The following CNNM4 variants were observed in gnomAD, a reference collection of about 807,000 sequenced individuals.
CNNM4 encodes the protein metal transporter CNNM4.
In CNNM4, 32 loss-of-function variants were observed where a neutral mutation model predicts 53.7. The observed-to-expected ratio is 0.60, with a 90% CI of 0.45 to 0.80. CNNM4 has a LOEUF of 0.80. Ranked by LOEUF, CNNM4 falls within the 30% of genes least tolerant of loss-of-function variation. The pLI, the probability that CNNM4 is intolerant of heterozygous loss-of-function variation, is 0.00. For missense variants in CNNM4, 784 were observed against 1,022.0 expected (o/e 0.77, Z 3.17); for synonymous variants, 410 against 440.0 (o/e 0.93, Z 0.85).
At chr2:96,762,445 C>T in intron 1 of CNNM4, 44 bp downstream of exon 1, 1 of 1,547,312 alleles carries the variant, frequency 6.5e-7, no homozygotes, top group Non-Finnish European at 8.9e-7. Context: ...CCTCTTGACG[C>T]CTCTTTTCCC....
chr2:96,808,611 T>C lies in CNNM4; in HGVS notation c.1999T>C (p.Tyr667His). ...TPLSRSASLS[Y>H]PDRTDVSTAA... ...ACTCAGCCGCTCAGCCTCCCTCAGTTACCCAGACCGCACAGACGTCTCAAC... is the reference window on the plus strand; with the variant it reads ...ACTCAGCCGCTCAGCCTCCCTCAGTCACCCAGACCGCACAGACGTCTCAAC... The change falls in exon 6 of 7, where the codon TAC (tyrosine) becomes CAC (histidine). Residue 667 changes from tyrosine to histidine, a missense_variant. This residue lies in a region of CNNM4 where 307 missense variants were observed against 376.3 expected (regional missense o/e 0.82). Transcript: ENST00000377075. This position sits in a 1 kb window ranked among gnomAD's most constrained non-coding sequence, Gnocchi z 4.9. 1 of 1,614,056 alleles carries C rather than the reference T, an allele frequency of 6.2e-7. No homozygotes were observed. Among genetic ancestry groups the C allele is most frequent in the Non-Finnish European group, 8.5e-7 (1 of 1,179,998 alleles).
At chr2:96,762,482 T>C in intron 1 of CNNM4, 81 bp downstream of exon 1, 1 of 1,320,738 alleles carries the variant, frequency 7.6e-7, no homozygotes, top group Non-Finnish European at 1.1e-6. Context: ...CTGCTGGCTT[T>C]AGTGTTCTGT....
intron 1 of CNNM4, among the ~76,000 whole-genome samples, chr2:96,792,245 CAA>C (rs541024962): frequency 1.6e-4 from 8 of 51,270 alleles, no homozygotes; most frequent in Admixed American, 2.2e-4. Context: ...GACTCCAGCT[CAA>C]AAAAAAAAAA....
chr2:96,763,434 G>T (rs1574048481), intron 1 of CNNM4, among the ~76,000 whole-genome samples: 1 of 152,188 alleles, frequency 6.6e-6, no homozygotes, highest in East Asian at 1.9e-4. Context: ...AAGTGAGGAG[G>T]CAGAAAGGGA....
At chr2:96,809,281 C>T (rs1488981694) in intron 6 of CNNM4, 39 bp from the exon 7 acceptor site, 2 of 1,612,422 alleles carry the variant, frequency 1.2e-6, no homozygotes, top group Non-Finnish European at 1.7e-6. Context: ...GTCTGCCTCC[C>T]AGCCCCTCCC....
Position 96,761,360 on chromosome 2 carries a change from G to C in CNNM4, c.361G>C (p.Val121Leu). Residue 121 changes from valine (V) to leucine (L), a missense_variant, in exon 1 of 7, where the codon GTC becomes CTC. Physicochemically the swap from Val to Leu is conservative, Grantham distance 32. Around this residue, in one of 3 missense-constraint regions of CNNM4, gnomAD observed 473 missense variants for 624.6 expected, o/e 0.76. Coordinates refer to ENST00000377075, the MANE Select transcript of CNNM4 (RefSeq NM_020184.4). This position sits in a 1 kb window ranked among gnomAD's most constrained non-coding sequence, Gnocchi z 6.0. ...CAAGGACCTGGTCGTCCAGCAGCTG[G>C]TCAACGTGAGCCGCGGGAACACGTC... ...LTKDLVVQQL[V>L]NVSRGNTSGV... 5 of 1,614,070 alleles carry C rather than the reference G, an allele frequency of 3.1e-6. No homozygotes were observed. The highest frequency in any genetic ancestry group is 4.2e-6 in the Non-Finnish European group (5 of 1,180,030).
Position 96,797,715 on chromosome 2 carries a change from G to A in CNNM4, c.1681+68G>A, listed in dbSNP as rs1680739059. On this transcript the variant is annotated intron_variant, in intron 3 of 6. Coordinates refer to ENST00000377075, the MANE Select transcript of CNNM4 (RefSeq NM_020184.4). The surrounding 1 kb of genome is among the most constrained non-coding windows in gnomAD (Gnocchi z 6.0). ...ACGGGGGAGAAGTCCTGGGTTTCCGGCTGCTTTCCCCCCATAGGACGAGGG... is the reference window on the plus strand; with the variant it reads ...ACGGGGGAGAAGTCCTGGGTTTCCGACTGCTTTCCCCCCATAGGACGAGGG... 3.8e-6 allele frequency: 6 copies of A among 1,597,478 alleles called. No homozygotes were observed. In the Middle Eastern group the frequency reaches 5.0e-4, roughly 133 times the overall value.
intron 1 of CNNM4, among the ~76,000 whole-genome samples, chr2:96,792,503 A>T (rs1309908700): frequency 1.3e-5 from 2 of 151,790 alleles, no homozygotes; most frequent in African/African-American, 4.8e-5. Context: ...ATGTAGAGGC[A>T]CAAAGAAAGA....
chr2:96,761,032 C>A lies in CNNM4; in HGVS notation c.33C>A (p.Val11=), dbSNP rs2078755191. MAPVGGGGRP[V]GGPARGRLLL... ...CGGTGGGCGGGGGCGGGCGCCCGGT[C>A]GGCGGACCGGCCCGCGGGCGCCTCC... The change falls in exon 1 of 7, where the codon GTC becomes GTA. Residue 11 remains valine, a synonymous_variant. Coordinates refer to ENST00000377075, the MANE Select transcript of CNNM4 (RefSeq NM_020184.4). This position sits in a 1 kb window ranked among gnomAD's most constrained non-coding sequence, Gnocchi z 6.0. The A allele has an allele frequency of 1.6e-6, 2 of 1,213,754 alleles. No homozygotes were observed. The highest frequency in any genetic ancestry group is 4.1e-5 in the South Asian group (1 of 24,174). The allele number at this position is 1,213,754 out of a possible 1,614,324, so 75.2% of individuals were successfully genotyped here.
intron 1 of CNNM4, 120 bp downstream of exon 1, chr2:96,762,521 C>A: frequency 1.0e-6 from 1 of 971,124 alleles, no homozygotes; most frequent in Non-Finnish European, 1.6e-6. Context: ...CTTTGCCTAT[C>A]GCTTCCTATG....
At chr2:96,787,740 G>T (rs951673318) in intron 1 of CNNM4, among the ~76,000 whole-genome samples, 1 of 152,030 alleles carries the variant, frequency 6.6e-6, no homozygotes, top group Admixed American at 6.6e-5. Flanking sequence ...ATGCCCTATA[G>T]TCCCAGCTAC....
rs762779411 is a variant in CNNM4, at chr2:96,809,277, C to T, written c.2131-43C>T. 5 of 1,611,584 alleles carry T rather than the reference C, an allele frequency of 3.1e-6. No homozygotes were observed. The African/African-American group carries it at 6.7e-5, about 22-fold the overall frequency. ...CTCCAGGCCTGGTGATAGGGTCTGC[C>T]TCCCAGCCCCTCCCTCCATGAACTC... On this transcript the variant is annotated intron_variant, in intron 6 of 6. Transcript: ENST00000377075.
intron 1 of CNNM4, among the ~76,000 whole-genome samples, chr2:96,795,341 T>G (rs2079093382): frequency 6.6e-6 from 1 of 152,232 alleles, no homozygotes; most frequent in South Asian, 2.1e-4. Flanking sequence ...TTGGCTCATC[T>G]CTAGGAAGAT....
At chr2:96,783,366 G>C (rs1033548366) in intron 1 of CNNM4, among the ~76,000 whole-genome samples, 1 of 152,204 alleles carries the variant, frequency 6.6e-6, no homozygotes, top group African/African-American at 2.4e-5. Flanking sequence ...TCTGAACTCA[G>C]AAGGACGCTG....
rs1348793937 is a variant in CNNM4, at chr2:96,801,057, T to C, written c.1948+1409T>C. ...TCCTGACTGCGCCCATCACTGACCT[T>C]CTCTTTTGCTCCAGTGCCTTCAGTC... On this transcript the variant is annotated intron_variant, in intron 5 of 6. Coordinates refer to ENST00000377075, the MANE Select transcript of CNNM4 (RefSeq NM_020184.4). The surrounding 1 kb of genome is among the most constrained non-coding windows in gnomAD (Gnocchi z 5.6). 34 of 984,700 alleles carry C rather than the reference T, an allele frequency of 3.5e-5. No homozygotes were observed. The highest frequency in any genetic ancestry group is 4.1e-5 in the Non-Finnish European group (34 of 829,418). 61.0% of individuals were successfully genotyped at this position (984,700 alleles called of 1,614,324 possible). A position where few individuals can be genotyped will look rare whatever the true frequency, so the allele number is the denominator to read the frequency against.
At chr2:96,778,910 T>A (rs1251253713) in intron 1 of CNNM4, among the ~76,000 whole-genome samples, 1 of 152,210 alleles carries the variant, frequency 6.6e-6, no homozygotes, top group Admixed American at 6.5e-5. Flanking sequence ...TATGTGACCT[T>A]ATCTACTGTC....
chr2:96,809,765 C>A lies in CNNM4; in HGVS notation c.*248C>A. ...TACCGTAAGCAAAGGCTGTTTTTTA[C>A]TGAGAGAATTTCTAAAGTAGGCTCA... On this transcript the variant is annotated 3_prime_UTR_variant, in exon 7 of 7. Transcript: ENST00000377075. 2.3e-6 allele frequency: 1 copy of A among 429,630 alleles called. No homozygotes were observed. Among genetic ancestry groups the A allele is most frequent in the Non-Finnish European group, 4.1e-6 (1 of 241,066 alleles). 26.6% of individuals were successfully genotyped at this position (429,630 alleles called of 1,614,324 possible).
At chr2:96,771,057 G>GGGGT (rs1280848322) in intron 1 of CNNM4, among the ~76,000 whole-genome samples, 3 of 152,158 alleles carry the variant, frequency 2.0e-5, no homozygotes, top group African/African-American at 7.2e-5. Context: ...CTCGGCTGAG[G>GGGGT]GGGTGGGAAG....
At chr2:96,796,409 G>T (rs1019723668) in intron 1 of CNNM4, among the ~76,000 whole-genome samples, 1 of 151,966 alleles carries the variant, frequency 6.6e-6, no homozygotes, top group Non-Finnish European at 1.5e-5. Context: ...CCCGTCCAAG[G>T]TGCTGGGATT....
Sources: allele counts gnomAD v4.1 joint callset (sites outside exome capture counted in the v4.1 genomes callset), GRCh38; gene constraint gnomAD v4.1.1; regional missense constraint gnomAD v4.1.1; non-coding constraint Gnocchi (gnomAD v3.1); transcripts MANE v1.5; gene names NCBI Gene and HGNC (gene_info 2026-07-23, HGNC 2026-07-21).